Variants in PHF21B observed in about 807,000 individuals in gnomAD.
PHF21B encodes PHD finger protein 4.
A neutral mutation model predicts 62.2 loss-of-function variants in PHF21B; 22 were observed. The ratio of observed to expected loss-of-function variants is 0.35; its 90% confidence interval spans 0.25 to 0.51. The LOEUF (loss-of-function observed/expected upper bound fraction) is 0.51. Among genes scored for constraint, PHF21B ranks in the 20% least tolerant of loss-of-function variants. PHF21B has a pLI of 0.97. For synonymous variants in PHF21B, 341 were observed against 314.7 expected (o/e 1.08, Z -0.88); for missense variants, 701 against 707.9 (o/e 0.99, Z 0.11).
At chr22:44,960,724 GA>G (rs1422449753) in intron 2 of PHF21B, among the ~76,000 whole-genome samples, 2 of 152,216 alleles carry the variant, frequency 1.3e-5, no homozygotes, top group African/African-American at 4.8e-5. Context: ...CAACCAGCCG[GA>G]GGCCTGAACA....
chr22:44,920,301 C>A, intron 3 of PHF21B, 97 bp downstream of exon 3: 2 of 920,576 alleles, frequency 2.2e-6, no homozygotes, highest in South Asian at 2.1e-5. Flanking sequence ...TCCGCCTGGC[C>A]CAGTGCCCAC....
chr22:44,934,217 G>A (rs1486038807), intron 2 of PHF21B, among the ~76,000 whole-genome samples: 10 of 152,256 alleles, frequency 6.6e-5, no homozygotes, highest in Non-Finnish European at 1.3e-4. Context: ...TGACTCTCAG[G>A]TGCCGCTGGC....
At chr22:44,939,642 C>G (rs2071917183) in intron 2 of PHF21B, among the ~76,000 whole-genome samples, 1 of 152,174 alleles carries the variant, frequency 6.6e-6, no homozygotes. Flanking sequence ...CCAGCCCGTC[C>G]TGTCCCAGCA....
At chr22:44,888,640 C>T (rs1457107388) in intron 9 of PHF21B, among the ~76,000 whole-genome samples, 2 of 152,222 alleles carry the variant, frequency 1.3e-5, no homozygotes, top group African/African-American at 4.8e-5. Flanking sequence ...TCACCATCCA[C>T]GTGTCAACAG....
In PHF21B at chr22:44,945,883, G is replaced by A. The variant is rs73889877; in HGVS notation, c.121-25393C>T. Among the ~76,000 whole-genome samples, 826 of 152,220 alleles carry A rather than the reference G, an allele frequency of 5.4e-3. 9 individuals carry two copies. The highest frequency in any genetic ancestry group is 0.019 in the African/African-American group (793 of 41,544). On this transcript the variant is annotated intron_variant, in intron 2 of 12. Coordinates refer to ENST00000313237, the MANE Select transcript of PHF21B (RefSeq NM_138415.5). The stretch of plus-strand genomic sequence containing the variant: ...GCCTCAGGCCCCAGGCAGTGAGATG[G>A]GGAAGATGCTACCATCCCCTCCTGA...
chr22:44,911,709 C>G (rs534179182), intron 5 of PHF21B, among the ~76,000 whole-genome samples: 1 of 152,338 alleles, frequency 6.6e-6, no homozygotes, highest in South Asian at 2.1e-4. Flanking sequence ...AGGGGCAGAG[C>G]CCTCATGGAG....
chr22:45,007,065 G>A (rs1368467405), intron 2 of PHF21B, among the ~76,000 whole-genome samples: 1 of 151,884 alleles, frequency 6.6e-6, no homozygotes, highest in East Asian at 2.0e-4. Context: ...GGCGGGAATG[G>A]AAGCTTCCAC....
At chr22:44,945,718 G>T (rs890921830) in intron 2 of PHF21B, among the ~76,000 whole-genome samples, 1 of 20,544 alleles carries the variant, frequency 4.9e-5, no homozygotes, top group Non-Finnish European at 1.2e-4. Flanking sequence ...GGCAGAATTG[G>T]GGGGGGGGTG....
At chr22:44,957,133 G>A (rs770163838) in intron 2 of PHF21B, among the ~76,000 whole-genome samples, 1 of 152,044 alleles carries the variant, frequency 6.6e-6, no homozygotes. Context: ...CTCGTCCTGC[G>A]CATTCTTCTG....
At chr22:44,978,363 TTTTG>T (rs750237893) in intron 2 of PHF21B, among the ~76,000 whole-genome samples, 6 of 152,136 alleles carry the variant, frequency 3.9e-5, no homozygotes, top group African/African-American at 7.2e-5. Context: ...TTTTTGTTTG[TTTTG>T]TTTGTTTTTT....
At chr22:45,003,755 C>T (rs968414268) in intron 2 of PHF21B, 9 of 152,210 alleles carry the variant, frequency 5.9e-5, no homozygotes, top group Non-Finnish European at 8.8e-5. Flanking sequence ...AACGTCCACT[C>T]GTGGATGAAC....
chr22:44,918,092 C>A (rs1197483601), intron 3 of PHF21B, among the ~76,000 whole-genome samples: 1 of 152,270 alleles, frequency 6.6e-6, no homozygotes, highest in African/African-American at 2.4e-5. Context: ...TACAGCCCAA[C>A]AGAAACTCCA....
chr22:44,930,097 G>A (rs1449901370), intron 2 of PHF21B, among the ~76,000 whole-genome samples: 6 of 152,350 alleles, frequency 3.9e-5, no homozygotes, highest in South Asian at 2.1e-4. Context: ...GACACCCCTC[G>A]GGGTGAACAA....
chr22:44,994,944 C>CA (rs1300460012), intron 2 of PHF21B, among the ~76,000 whole-genome samples: 1 of 152,268 alleles, frequency 6.6e-6, no homozygotes, highest in African/African-American at 2.4e-5. Context: ...CATCTGAACT[C>CA]ACAGCAGCTC....
chr22:44,974,934 G>C (rs116243476), intron 2 of PHF21B, among the ~76,000 whole-genome samples: 120 of 152,276 alleles, frequency 7.9e-4, no homozygotes, highest in African/African-American at 2.7e-3. Context: ...AATGAAATGT[G>C]AATTAACACA....
chr22:44,905,722 G>A (rs1007252042), intron 5 of PHF21B, among the ~76,000 whole-genome samples: 7 of 152,116 alleles, frequency 4.6e-5, no homozygotes, highest in Middle Eastern at 3.4e-3. Context: ...TCCACCTCCC[G>A]GGTTCACACC....
At chr22:44,885,277 T>G in intron 12 of PHF21B, 149 bp downstream of exon 12, 1 of 693,848 alleles carries the variant, frequency 1.4e-6, no homozygotes, top group South Asian at 2.1e-5. Context: ...ATGACACGCC[T>G]GCCTGTCCAC....
chr22:44,881,271 T>C lies in PHF21B; in HGVS notation c.*1815A>G, dbSNP rs2070737791. The C allele has an allele frequency of 1.3e-5, 2 of 152,674 alleles. No homozygotes were observed. The highest frequency in any genetic ancestry group is 4.8e-5 in the African/African-American group (2 of 41,458). The allele number at this position is 152,674 out of a possible 1,614,324, so 9.5% of individuals were successfully genotyped here. ...TCACTACCCACTGGACGGTCCTCCT[T>C]GGTCCAAAAAAAACCTAACAATCTC... On this transcript the variant is annotated 3_prime_UTR_variant, in exon 13 of 13. Coordinates refer to ENST00000313237, the MANE Select transcript of PHF21B (RefSeq NM_138415.5).
chr22:44,967,368 C>T (rs887503354), intron 2 of PHF21B, among the ~76,000 whole-genome samples: 5 of 151,804 alleles, frequency 3.3e-5, no homozygotes, highest in Non-Finnish European at 7.4e-5. Flanking sequence ...CTACAGGTGC[C>T]CATCACCACA....
Sources: allele counts gnomAD v4.1 joint callset (sites outside exome capture counted in the v4.1 genomes callset), GRCh38; gene constraint gnomAD v4.1.1; transcripts MANE v1.5; gene names NCBI Gene and HGNC (gene_info 2026-07-23, HGNC 2026-07-21).